Variants in TMEM163 observed in about 807,000 individuals in gnomAD.
TMEM163 encodes transmembrane protein 163.
A neutral mutation model predicts 29.3 loss-of-function variants in TMEM163; 17 were observed. The observed-to-expected ratio is 0.58, with a 90% confidence interval of 0.40 to 0.87. The LOEUF is 0.87. Among genes scored for constraint, TMEM163 ranks in the 40% least tolerant of loss-of-function variants. TMEM163 has a pLI of 0.00. For missense variants in TMEM163, 303 were observed against 381.5 expected, an observed-to-expected ratio of 0.79 and a Z score of 1.71; for synonymous variants, 157 against 160.6, an observed-to-expected ratio of 0.98 and a Z score of 0.17.
chr2:134,501,215 C>T (rs909476767), intron 5 of TMEM163, among the ~76,000 whole-genome samples: 3 of 152,150 alleles, frequency 2.0e-5, no homozygotes, highest in Non-Finnish European at 4.4e-5. Flanking sequence ...TAAGGACAGG[C>T]GCAACCATGG....
At chr2:134,516,668 TATAGTC>T (rs1332459492) in intron 4 of TMEM163, among the ~76,000 whole-genome samples, 1 of 146,400 alleles carries the variant, frequency 6.8e-6, no homozygotes, top group Admixed American at 6.9e-5. Context: ...TATTCATACA[TATAGTC>T]ATACATATAT....
At chr2:134,501,237 T>C (rs1202580329) in intron 5 of TMEM163, among the ~76,000 whole-genome samples, 1 of 152,192 alleles carries the variant, frequency 6.6e-6, no homozygotes, top group Non-Finnish European at 1.5e-5. Context: ...ATCTTCAGCT[T>C]CTCTGAACCC....
At chr2:134,623,944 G>C (rs1436141121) in intron 2 of TMEM163, among the ~76,000 whole-genome samples, 1 of 152,166 alleles carries the variant, frequency 6.6e-6, no homozygotes, top group African/African-American at 2.4e-5. Flanking sequence ...AGAAGACCAT[G>C]TAAGATCATT....
chr2:134,525,345 C>G (rs1680271080), intron 4 of TMEM163, among the ~76,000 whole-genome samples: 1 of 152,154 alleles, frequency 6.6e-6, no homozygotes, highest in African/African-American at 2.4e-5. Context: ...TTCTGAGGCC[C>G]CTGGAGTCTG....
intron 2 of TMEM163, among the ~76,000 whole-genome samples, chr2:134,631,564 G>A (rs1574294603): frequency 6.6e-6 from 1 of 152,150 alleles, no homozygotes; most frequent in African/African-American, 2.4e-5. Context: ...GAAAACTAAA[G>A]CCCAGAAAGG....
chr2:134,491,866 CCAAT>C (rs1247599949), intron 5 of TMEM163, among the ~76,000 whole-genome samples: 4 of 152,160 alleles, frequency 2.6e-5, no homozygotes, highest in Non-Finnish European at 4.4e-5. Context: ...GAAAAGAGGA[CCAAT>C]CAGAGACTCT....
chr2:134,667,110 CAA>C (rs1192922241), intron 2 of TMEM163, among the ~76,000 whole-genome samples: 1 of 152,210 alleles, frequency 6.6e-6, no homozygotes, highest in Non-Finnish European at 1.5e-5. Context: ...AGATTTGACT[CAA>C]GTTTGATTCC....
At chr2:134,646,435 T>A (rs1438138485) in intron 2 of TMEM163, among the ~76,000 whole-genome samples, 1 of 151,718 alleles carries the variant, frequency 6.6e-6, no homozygotes, top group Non-Finnish European at 1.5e-5. Context: ...TCAACCCTCA[T>A]TCTATGCTTT....
At chr2:134,492,349 T>A (rs1041690106) in intron 5 of TMEM163, among the ~76,000 whole-genome samples, 4 of 152,228 alleles carry the variant, frequency 2.6e-5, no homozygotes, top group Non-Finnish European at 5.9e-5. Context: ...TGGGTGCACC[T>A]GAACCTCATA....
chr2:134,700,005 A>G (rs745927575), intron 2 of TMEM163, among the ~76,000 whole-genome samples: 20 of 151,922 alleles, frequency 1.3e-4, no homozygotes, highest in Non-Finnish European at 2.5e-4. Context: ...TTACGTTTTA[A>G]ATTTGTCTCC....
chr2:134,572,219 G>C (rs1681446556), intron 2 of TMEM163, among the ~76,000 whole-genome samples: 2 of 152,150 alleles, frequency 1.3e-5, no homozygotes, highest in South Asian at 4.1e-4. Context: ...GGATTGCAGA[G>C]AGAAGATGTC....
At chr2:134,712,553 G>A (rs945736569) in intron 2 of TMEM163, among the ~76,000 whole-genome samples, 1 of 151,976 alleles carries the variant, frequency 6.6e-6, no homozygotes, top group Non-Finnish European at 1.5e-5. Flanking sequence ...CAATTCATAA[G>A]AATAAATAGC....
At chr2:134,566,492 G>A (rs1320152114) in intron 2 of TMEM163, among the ~76,000 whole-genome samples, 2 of 152,138 alleles carry the variant, frequency 1.3e-5, no homozygotes, top group Non-Finnish European at 2.9e-5. Flanking sequence ...GAACCAGGGA[G>A]GTGGAGCTTG....
rs541152965 is a variant in TMEM163 at position 134,551,416 on chromosome 2, C to G, written c.366+632G>C. On this transcript the variant is annotated intron_variant, in intron 3 of 7. Coordinates refer to ENST00000281924, the MANE Select transcript of TMEM163 (RefSeq NM_030923.5). ...GAAGTGGGTCTGGGAACAGGCATAC[C>G]GACCCTTGGGTACAGGAAACCCTAA... 2.9e-3 allele frequency among the ~76,000 whole-genome samples: 447 copies of G among 152,146 alleles called. 4 individuals carry two copies. Among genetic ancestry groups the G allele is most frequent in the African/African-American group, 0.01 (435 of 41,500 alleles).
chr2:134,708,685 C>T (rs1372114673), intron 2 of TMEM163, among the ~76,000 whole-genome samples: 2 of 152,102 alleles, frequency 1.3e-5, no homozygotes, highest in Non-Finnish European at 2.9e-5. Context: ...CTCCTGGATT[C>T]GAGCAATTCT....
intron 2 of TMEM163, among the ~76,000 whole-genome samples, chr2:134,668,678 C>T (rs930942814): frequency 1.3e-5 from 2 of 151,568 alleles, no homozygotes; most frequent in Non-Finnish European, 2.9e-5. Flanking sequence ...TGCCCTTTCT[C>T]CTCTCCACCC....
At chr2:134,651,928 T>C (rs1574311518) in intron 2 of TMEM163, among the ~76,000 whole-genome samples, 1 of 109,090 alleles carries the variant, frequency 9.2e-6, no homozygotes, top group East Asian at 2.3e-4. Context: ...ACCAGTACCA[T>C]GCTGTTTTGG....
intron 4 of TMEM163, among the ~76,000 whole-genome samples, chr2:134,508,301 C>A (rs1558927383): frequency 6.6e-6 from 1 of 152,194 alleles, no homozygotes; most frequent in East Asian, 1.9e-4. Flanking sequence ...CCAATTCATC[C>A]CACAGTTTAA....
chr2:134,625,404 G>A (rs563827093), intron 2 of TMEM163, among the ~76,000 whole-genome samples: 9 of 152,318 alleles, frequency 5.9e-5, no homozygotes, highest in Admixed American at 5.9e-4. Context: ...ACTACATGGA[G>A]CCATTTCATA....
Sources: allele counts gnomAD v4.1 joint callset (sites outside exome capture counted in the v4.1 genomes callset), GRCh38; gene constraint gnomAD v4.1.1; transcripts MANE v1.5; gene names NCBI Gene and HGNC (gene_info 2026-07-23, HGNC 2026-07-21).